CNTLN: variants seen among roughly 807,000 people sequenced by gnomAD.
CNTLN encodes the protein centlein.
Under a neutral mutation model 180.0 loss-of-function variants are expected in CNTLN, and 212 were observed. The observed-to-expected ratio is 1.18, with a 90% CI of 1.05 to 1.32. The LOEUF (loss-of-function observed/expected upper bound fraction) is 1.32, where lower values mean the gene tolerates loss of function less well. Among genes scored for constraint, CNTLN ranks in the 40% most tolerant of loss-of-function variants. The pLI is 0.00. For synonymous variants in CNTLN, 722 were observed against 563.1 expected, an observed-to-expected ratio of 1.28 and a Z score of -3.99; for missense variants, 2,095 against 1,610.9, an observed-to-expected ratio of 1.30 and a Z score of -5.14.
chr9:17,160,135 CCAT>C (rs1819578819), intron 2 of CNTLN, among the ~76,000 whole-genome samples: 1 of 152,026 alleles, frequency 6.6e-6, no homozygotes, highest in South Asian at 2.1e-4. Context: ...ACATTCCTGG[CCAT>C]CATATTGTTT....
At chr9:17,340,740 C>A in intron 10 of CNTLN, 87 bp from the exon 11 acceptor site, 2 of 1,143,716 alleles carry the variant, frequency 1.7e-6, no homozygotes, top group Admixed American at 3.2e-5. Context: ...TTTCAAATTT[C>A]ATATTTAGAT....
intron 12 of CNTLN, among the ~76,000 whole-genome samples, chr9:17,352,924 G>T (rs1822500286): frequency 6.6e-6 from 1 of 152,058 alleles, no homozygotes; most frequent in Non-Finnish European, 1.5e-5. Context: ...ATATCCCTTT[G>T]TTTATGTATA....
At chr9:17,169,517 A>C (rs1300055284) in intron 2 of CNTLN, among the ~76,000 whole-genome samples, 1 of 151,968 alleles carries the variant, frequency 6.6e-6, no homozygotes, top group Non-Finnish European at 1.5e-5. Flanking sequence ...TGTTTTTTCT[A>C]GTTTTGTGAT....
intron 13 of CNTLN, among the ~76,000 whole-genome samples, chr9:17,368,767 G>A (rs527651352): frequency 3.9e-5 from 6 of 152,280 alleles, no homozygotes; most frequent in African/African-American, 1.4e-4. Context: ...TCTAGAAGTC[G>A]GCAAGAACCC....
intron 18 of CNTLN, among the ~76,000 whole-genome samples, chr9:17,450,898 T>G (rs1435012990): frequency 2.0e-5 from 3 of 152,116 alleles, no homozygotes; most frequent in Admixed American, 6.5e-5. Context: ...AACAAGAAAA[T>G]TAATGTTTTA....
At chr9:17,416,280 TA>T in intron 18 of CNTLN, 91 bp downstream of exon 18, 1 of 1,091,428 alleles carries the variant, frequency 9.2e-7, no homozygotes, top group Non-Finnish European at 1.3e-6. Flanking sequence ...ATATTTGTGT[TA>T]GGCAGGTCTA....
intron 18 of CNTLN, among the ~76,000 whole-genome samples, chr9:17,441,329 A>G (rs7341870): frequency 0.019 from 2,818 of 152,286 alleles, 85 homozygotes; most frequent in African/African-American, 0.064. Context: ...TTATTCTGGC[A>G]TAGAAATTAC....
chr9:17,195,583 TTAA>T (rs1243629727), intron 2 of CNTLN, among the ~76,000 whole-genome samples: 1 of 152,200 alleles, frequency 6.6e-6, no homozygotes, highest in African/African-American at 2.4e-5. Context: ...TTATAGGTAC[TTAA>T]TAAATACTTC....
At chr9:17,220,322 A>G (rs1203099612) in intron 2 of CNTLN, among the ~76,000 whole-genome samples, 2 of 152,062 alleles carry the variant, frequency 1.3e-5, no homozygotes, top group African/African-American at 4.8e-5. Context: ...ATCTCATTTA[A>G]AAGTACTACC....
intron 5 of CNTLN, among the ~76,000 whole-genome samples, chr9:17,245,374 G>A (rs1248363998): frequency 6.7e-6 from 1 of 149,438 alleles, no homozygotes; most frequent in Non-Finnish European, 1.5e-5. Flanking sequence ...CTCTCTCCTG[G>A]CCTGTAAAGT....
At chr9:17,451,919 G>GA (rs1830801919) in intron 18 of CNTLN, among the ~76,000 whole-genome samples, 2 of 152,250 alleles carry the variant, frequency 1.3e-5, no homozygotes, top group South Asian at 2.1e-4. Flanking sequence ...ATATTGTCCA[G>GA]AAAAAAGCTG....
At chr9:17,395,356 T>C (rs1474538977) in intron 15 of CNTLN, among the ~76,000 whole-genome samples, 6 of 152,162 alleles carry the variant, frequency 3.9e-5, no homozygotes, top group Admixed American at 3.9e-4. Flanking sequence ...AGGCTTGAAA[T>C]TGACAGTTTG....
At chr9:17,214,441 C>G (rs950615860) in intron 2 of CNTLN, among the ~76,000 whole-genome samples, 10 of 152,208 alleles carry the variant, frequency 6.6e-5, no homozygotes, top group African/African-American at 2.4e-4. Flanking sequence ...TTCTGATGGG[C>G]TTCCCTTTGT....
intron 2 of CNTLN, among the ~76,000 whole-genome samples, chr9:17,176,406 T>C (rs756370974): frequency 5.3e-5 from 8 of 152,198 alleles, no homozygotes; most frequent in Non-Finnish European, 1.0e-4. Context: ...GGATTTATTT[T>C]TGAATACTGA....
chr9:17,204,035 C>T lies in CNTLN; in HGVS notation c.450-22168C>T, dbSNP rs114238626. ...CAGGTCATTTATGTTCCTCTCTAAA[C>T]GGGTTATTCTAGTTAGCAGTTTTTG... On this transcript the variant is annotated intron_variant, in intron 2 of 25. Coordinates refer to ENST00000380647, the MANE Select transcript of CNTLN (RefSeq NM_017738.4). Among the ~76,000 whole-genome samples, 259 of 152,302 alleles carry T rather than the reference C, an allele frequency of 1.7e-3. 1 individual carries two copies. Among genetic ancestry groups the T allele is most frequent in the African/African-American group, 5.8e-3 (241 of 41,560 alleles).
intron 5 of CNTLN, among the ~76,000 whole-genome samples, chr9:17,265,552 C>T (rs1229816172): frequency 4.6e-5 from 7 of 152,154 alleles, no homozygotes; most frequent in East Asian, 3.9e-4. Context: ...TGATGCTGGC[C>T]TCATAAAATG....
intron 6 of CNTLN, among the ~76,000 whole-genome samples, chr9:17,290,841 G>A (rs1829340853): frequency 6.6e-6 from 1 of 152,216 alleles, no homozygotes; most frequent in Non-Finnish European, 1.5e-5. Flanking sequence ...CTTCCCAGGT[G>A]AGGCAATGCC....
intron 2 of CNTLN, among the ~76,000 whole-genome samples, chr9:17,182,266 G>A (rs1487603108): frequency 5.3e-5 from 8 of 152,064 alleles, no homozygotes; most frequent in Admixed American, 3.3e-4. Context: ...AGGGTAGAGA[G>A]CAGACTTTCG....
At chr9:17,260,127 C>G (rs1237158361) in intron 5 of CNTLN, among the ~76,000 whole-genome samples, 1 of 146,926 alleles carries the variant, frequency 6.8e-6, no homozygotes, top group Non-Finnish European at 1.5e-5. Flanking sequence ...CTATAAATTT[C>G]CCTCTACACA....
Sources: allele counts gnomAD v4.1 joint callset (sites outside exome capture counted in the v4.1 genomes callset), GRCh38; gene constraint gnomAD v4.1.1; transcripts MANE v1.5; gene names NCBI Gene and HGNC (gene_info 2026-07-23, HGNC 2026-07-21).